The following SAP30BP variants were observed in gnomAD, a reference collection of about 807,000 sequenced individuals.
SAP30BP encodes the protein SAP30-binding protein.
SAP30BP carries 31 observed loss-of-function variants against 46.3 expected under a neutral mutation model. The observed-to-expected ratio is 0.67, with a 90% CI of 0.50 to 0.90. SAP30BP has a LOEUF of 0.90. SAP30BP is among the 40% of genes least tolerant of loss of function. The pLI is 0.00. For missense variants in SAP30BP, 312 were observed against 391.0 expected (o/e 0.80, Z 1.70); for synonymous variants, 169 against 144.2 (o/e 1.17, Z -1.23).
chr17:75,701,421 A>G (rs912195589), intron 5 of SAP30BP, among the ~76,000 whole-genome samples: 7 of 152,072 alleles, frequency 4.6e-5, no homozygotes, highest in Non-Finnish European at 1.0e-4. Flanking sequence ...TACTTTGGGC[A>G]TCATGTCCAT....
At chr17:75,696,685 C>T (rs1364048636) in intron 4 of SAP30BP, among the ~76,000 whole-genome samples, 4 of 151,706 alleles carry the variant, frequency 2.6e-5, no homozygotes, top group African/African-American at 4.8e-5. Flanking sequence ...CTAGTTTTCC[C>T]GAATGTGTTC....
At position 75,699,853 on chromosome 17, in the gene SAP30BP, A is replaced by T; in HGVS notation, c.378A>T (p.Arg126Ser). 6.2e-7 allele frequency: 1 copy of T among 1,612,766 alleles called. No homozygotes were observed. Among genetic ancestry groups the T allele is most frequent in the Non-Finnish European group, 8.5e-7 (1 of 1,178,828 alleles). ...EIKIPPEPPG[R>S]CSNHLQDKIQ... ...AGATCCCGCCAGAACCCCCTGGCAG[A>T]TGTTCAAATCACTTGCAAGTAAGCA... The change falls in exon 5 of 11, where the codon AGA (arginine) becomes AGT (serine). Residue 126 changes from arginine (R) to serine (S), a missense_variant. Physicochemically the swap from Arg to Ser is moderately radical, Grantham distance 110. This residue lies in a region of SAP30BP where 296 missense variants were observed against 346.6 expected (regional missense o/e 0.85). Transcript: ENST00000584667.
At chr17:75,698,947 C>CT (rs1233745641) in intron 4 of SAP30BP, among the ~76,000 whole-genome samples, 1 of 152,166 alleles carries the variant, frequency 6.6e-6, no homozygotes, top group Non-Finnish European at 1.5e-5. Flanking sequence ...AATCCCAGCA[C>CT]TTTAGGAGGC....
rs2060495557 is a variant in SAP30BP at position 75,706,248 on chromosome 17, T to C, written c.746-92T>C. On this transcript the variant is annotated intron_variant, in intron 10 of 10. Coordinates refer to ENST00000584667, the MANE Select transcript of SAP30BP (RefSeq NM_013260.8). The surrounding 1 kb of genome is among the most constrained non-coding windows in gnomAD (Gnocchi z 4.6). The stretch of plus-strand genomic sequence containing the variant: ...GTCTGGGGTGGGCCACTTCGGGGTC[T>C]GCTCCCTAGACTCCCGCTGGCCTGC... The C allele has an allele frequency of 1.9e-6, 3 of 1,548,154 alleles. No individual in the cohort carries two copies. The highest frequency in any genetic ancestry group is 2.6e-6 in the Non-Finnish European group (3 of 1,140,588).
intron 9 of SAP30BP, 60 bp downstream of exon 9, chr17:75,704,874 G>A: frequency 7.3e-7 from 1 of 1,373,688 alleles, no homozygotes. Flanking sequence ...GGGTCCTGCT[G>A]GCTGAGCCCA....
At chr17:75,702,448 C>T in intron 5 of SAP30BP, 32 bp from the exon 6 acceptor site, 3 of 1,038,032 alleles carry the variant, frequency 2.9e-6, no homozygotes, top group East Asian at 2.5e-5. Flanking sequence ...TTCTGTCATA[C>T]ACCCCCCCAC....
intron 3 of SAP30BP, among the ~76,000 whole-genome samples, chr17:75,675,851 A>T (rs893706898): frequency 1.3e-5 from 2 of 152,354 alleles, no homozygotes; most frequent in East Asian, 3.9e-4. Context: ...TGGGAGGTAG[A>T]GGTTGCAGTG....
At chr17:75,701,591 C>T (rs546784547) in intron 5 of SAP30BP, among the ~76,000 whole-genome samples, 2 of 152,242 alleles carry the variant, frequency 1.3e-5, no homozygotes, top group Non-Finnish European at 2.9e-5. Context: ...TTGATGCCCT[C>T]GATAAACCAG....
Position 75,703,291 on chromosome 17 carries a change from C to T in SAP30BP, c.489-20C>T, listed in dbSNP as rs1192684812. 38 of 1,612,960 alleles carry T rather than the reference C, an allele frequency of 2.4e-5. No individual in the cohort carries two copies. Among genetic ancestry groups the T allele is most frequent in the Non-Finnish European group, 2.8e-5 (33 of 1,179,134 alleles). On this transcript the variant is annotated intron_variant, in intron 6 of 10. Transcript: ENST00000584667. ...GGGACGTGGACTTGTGCCTGCTCAG[C>T]GCCGGCACTGTTCTTTCAGCATCTA...
rs113835152 is a variant in SAP30BP at position 75,678,963 on chromosome 17, T to C, written c.264+7100T>C. ...TGAGCTGTTTCATAAGGTAGTGAGC[T>C]CCCTGTTTCTAGAGGTTTTTCAGGC... is the stretch of plus-strand genomic sequence containing the variant. On this transcript the variant is annotated intron_variant, in intron 3 of 10. Coordinates refer to ENST00000584667, the MANE Select transcript of SAP30BP (RefSeq NM_013260.8). 2.3e-3 allele frequency among the ~76,000 whole-genome samples: 342 copies of C among 150,912 alleles called. 2 individuals are homozygous for C. The highest frequency in any genetic ancestry group is 7.7e-3 in the African/African-American group (316 of 41,122).
chr17:75,668,088 T>C (rs1285517123), intron 1 of SAP30BP: 1 of 162,300 alleles, frequency 6.2e-6, no homozygotes, highest in Admixed American at 6.5e-5. Flanking sequence ...ACAGATTCCT[T>C]TGGGAGAATA....
chr17:75,673,767 AC>A (rs2059941912), intron 3 of SAP30BP, among the ~76,000 whole-genome samples: 1 of 152,072 alleles, frequency 6.6e-6, no homozygotes, highest in African/African-American at 2.4e-5. Context: ...GGTGGGAGGG[AC>A]CCAAAAAAGG....
chr17:75,703,285 G>T, intron 6 of SAP30BP, 26 bp from the exon 7 acceptor site: 1 of 1,613,222 alleles, frequency 6.2e-7, no homozygotes, highest in Non-Finnish European at 8.5e-7. Flanking sequence ...ACTTGTGCCT[G>T]CTCAGCGCCG....
chr17:75,687,399 T>C (rs555436825), intron 3 of SAP30BP, among the ~76,000 whole-genome samples: 18 of 152,228 alleles, frequency 1.2e-4, no homozygotes, highest in Admixed American at 1.1e-3. Flanking sequence ...GAGGATTGCT[T>C]GAGCCTACGA....
intron 3 of SAP30BP, among the ~76,000 whole-genome samples, chr17:75,684,308 G>A (rs570664892): frequency 1.3e-4 from 20 of 152,186 alleles, no homozygotes; most frequent in Non-Finnish European, 1.5e-4. Flanking sequence ...TGGGTTCTAC[G>A]TTTAGGGTGT....
chr17:75,686,387 G>C (rs1397839606), intron 3 of SAP30BP, among the ~76,000 whole-genome samples: 1 of 152,124 alleles, frequency 6.6e-6, no homozygotes, highest in African/African-American at 2.4e-5. Flanking sequence ...GTGGTGGCGG[G>C]CGCCTATAGT....
chr17:75,672,585 T>TC (rs1293964485), intron 3 of SAP30BP, among the ~76,000 whole-genome samples: 1 of 151,846 alleles, frequency 6.6e-6, no homozygotes, highest in African/African-American at 2.4e-5. Flanking sequence ...AGGAAAAACT[T>TC]CCCCCCTGTA....
chr17:75,680,674 GCC>G (rs745720391), intron 3 of SAP30BP, among the ~76,000 whole-genome samples: 4 of 152,168 alleles, frequency 2.6e-5, no homozygotes, highest in Non-Finnish European at 5.9e-5. Flanking sequence ...GTTAGAAGGC[GCC>G]ACGATTTCTC....
Position 75,674,078 on chromosome 17 carries a change from G to A in SAP30BP, c.264+2215G>A, listed in dbSNP as rs560158472. Among the ~76,000 whole-genome samples, 7 of 152,208 alleles carry A rather than the reference G, an allele frequency of 4.6e-5. No homozygotes were observed. The South Asian group carries it at 1.5e-3, about 32-fold the overall frequency. On this transcript the variant is annotated intron_variant, in intron 3 of 10. Transcript: ENST00000584667. ...TTAGATAAAGCTTGCCAGCTTCAAT[G>A]TTCTGCAATCCCCAGTGGCTGCCAG...
Sources: gnomAD v4.1 joint callset for allele counts (sites outside exome capture counted in the v4.1 genomes callset) on GRCh38, gnomAD v4.1.1 for gene constraint, gnomAD v4.1.1 regional missense constraint, Gnocchi (gnomAD v3.1) non-coding constraint, MANE v1.5 for transcripts, NCBI Gene and HGNC (gene_info 2026-07-23, HGNC 2026-07-21) for gene names.